The following FCRL3 variants were observed in gnomAD, a reference collection of about 807,000 sequenced individuals.
FCRL3 encodes the protein Fc receptor like 3, also known as Fc receptor-like protein 3.
FCRL3 carries 89 observed loss-of-function variants against 75.0 expected under a neutral mutation model. The observed-to-expected ratio is 1.19, with a 90% CI of 1.00 to 1.42. The LOEUF (loss-of-function observed/expected upper bound fraction) is 1.42. Ranked by LOEUF, FCRL3 falls within the 40% of genes most tolerant of loss-of-function variation. FCRL3 has a pLI of 0.00. For missense variants in FCRL3, 946 were observed against 880.0 expected (o/e 1.07, Z -0.95); for synonymous variants, 376 against 348.5 (o/e 1.08, Z -0.88).
At position 157,678,707 on chromosome 1, in the gene FCRL3, G is replaced by C. The variant is rs1040037205; in HGVS notation, c.*3C>G. The stretch of plus-strand genomic sequence containing the variant: ...TTTCCTGTGGGCCACTCTGGGTAAG[G>C]GGCTAGTGGTCTGAGGCCAGTAATA... On this transcript the variant is annotated 3_prime_UTR_variant, in exon 15 of 15. Coordinates refer to ENST00000368184, the MANE Select transcript of FCRL3 (RefSeq NM_052939.4). 1 of 1,613,034 alleles carries C rather than the reference G, an allele frequency of 6.2e-7. No individual in the cohort carries two copies. Among genetic ancestry groups the C allele is most frequent in the African/African-American group, 1.3e-5 (1 of 74,998 alleles).
chr1:157,699,393 GAA>G (rs1246848083), intron 3 of FCRL3, among the ~76,000 whole-genome samples: 1 of 151,908 alleles, frequency 6.6e-6, no homozygotes, highest in East Asian at 1.9e-4. Flanking sequence ...ATGTACTAGA[GAA>G]TATGGAGATC....
In FCRL3 at chr1:157,696,035, C is replaced by G. The variant is rs1312966643; in HGVS notation, c.1132+5G>C. The G allele has an allele frequency of 1.2e-6, 2 of 1,604,948 alleles. No homozygotes were observed. The highest frequency in any genetic ancestry group is 2.7e-5 in the African/African-American group (2 of 74,010). ...CGAGGCTGTGTGAAAGGAATCGGAACTTACTTCTCACGGTGACTCGAATCC... is the reference window on the plus strand; with the variant it reads ...CGAGGCTGTGTGAAAGGAATCGGAAGTTACTTCTCACGGTGACTCGAATCC... On this transcript the variant is annotated splice_donor_5th_base_variant and intron_variant, in intron 7 of 14. Transcript: ENST00000368184.
chr1:157,690,500 G>T lies in FCRL3; in HGVS notation c.1445C>A (p.Ala482Asp). 1 of 1,614,238 alleles carries T rather than the reference G, an allele frequency of 6.2e-7. No homozygotes were observed. The highest frequency in any genetic ancestry group is 8.5e-7 in the Non-Finnish European group (1 of 1,180,036). Residue 482 changes from alanine (A) to aspartate (D), a missense_variant, in exon 9 of 15, where the codon GCT becomes GAT. By Grantham distance (126) the Ala-to-Asp change is moderately radical. Coordinates refer to ENST00000368184, the MANE Select transcript of FCRL3 (RefSeq NM_052939.4). ...CCCCACCACAGCCTGGGCCCCGGGA[G>T]CCCTGAGGGTGAGGACGGGGCGAGA... ...PVSRPVLTLR[A>D]PGAQAVVGDL...
At position 157,678,624 on chromosome 1, in the gene FCRL3, T is replaced by G; in HGVS notation, c.*86A>C. On this transcript the variant is annotated 3_prime_UTR_variant, in exon 15 of 15. Transcript: ENST00000368184. ...CAGCCCAGCCTCGTAGGAGGCAGAG[T>G]CTGGAGAGATGGATGATGTGTGGTT... 6.3e-7 allele frequency: 1 copy of G among 1,578,732 alleles called. No individual in the cohort carries two copies. The highest frequency in any genetic ancestry group is 8.6e-7 in the Non-Finnish European group (1 of 1,168,668).
chr1:157,697,811 T>A lies in FCRL3; in HGVS notation c.407A>T (p.Asp136Val), dbSNP rs1474069047. Residue 136 changes from aspartate (D) to valine (V), a missense_variant, in exon 5 of 15, where the codon GAT (aspartate) becomes GTT (valine). Transcript: ENST00000368184. ...ATAACTATTAGGAAGCTGTTTTCCA[T>A]CCTTGTAGTAAACCTTTTGATGAGT... ...KNTHQKVYYK[D>V]GKQLPNSYNL... 1 of 1,614,190 alleles carries A rather than the reference T, an allele frequency of 6.2e-7. No homozygotes were observed. Among genetic ancestry groups the A allele is most frequent in the African/African-American group, 1.3e-5 (1 of 75,054 alleles).
chr1:157,692,395 C>T (rs759478634), intron 8 of FCRL3, among the ~76,000 whole-genome samples: 3 of 152,000 alleles, frequency 2.0e-5, no homozygotes, highest in South Asian at 2.1e-4. Flanking sequence ...CATGCCACCA[C>T]GCCTTGCTAT....
In FCRL3 at chr1:157,678,505, G is replaced by T. The variant is rs1654604204; in HGVS notation, c.*205C>A. On this transcript the variant is annotated 3_prime_UTR_variant, in exon 15 of 15. Coordinates refer to ENST00000368184, the MANE Select transcript of FCRL3 (RefSeq NM_052939.4). ...GTCTCCACTGTGAAAATAACACAGTGCTTGCTCAGAGGCTGCCTGCTCTCT... is the reference window on the plus strand; with the variant it reads ...GTCTCCACTGTGAAAATAACACAGTTCTTGCTCAGAGGCTGCCTGCTCTCT... 27 of 1,416,994 alleles carry T rather than the reference G, an allele frequency of 1.9e-5. No individual in the cohort carries two copies. Among genetic ancestry groups the T allele is most frequent in the Non-Finnish European group, 2.4e-5 (26 of 1,088,874 alleles). The allele number at this position is 1,416,994 out of a possible 1,614,324, so 87.8% of individuals were successfully genotyped here.
rs368095241 is a variant in FCRL3 at position 157,697,041 on chromosome 1, T to G, written c.844+99A>C. ...GAAGATTACCAGAATAGCTGGACAC[T>G]CCTCTCTGTTATGTCCACCATCCTA... On this transcript the variant is annotated intron_variant, in intron 6 of 14. Transcript: ENST00000368184. 12 of 1,159,928 alleles carry G rather than the reference T, an allele frequency of 1.0e-5. No individual in the cohort carries two copies. The African/African-American group carries it at 1.9e-4, about 18-fold the overall frequency. 71.9% of individuals were successfully genotyped at this position (1,159,928 alleles called of 1,614,324 possible).
intron 10 of FCRL3, 129 bp downstream of exon 10, chr1:157,689,669 C>T: frequency 7.4e-6 from 9 of 1,211,596 alleles, no homozygotes; most frequent in Non-Finnish European, 1.0e-5. Flanking sequence ...TACAGAGTGA[C>T]AGTGAGTAGT....
At chr1:157,686,683 T>C (rs1282776284) in intron 10 of FCRL3, among the ~76,000 whole-genome samples, 2 of 151,988 alleles carry the variant, frequency 1.3e-5, no homozygotes, top group African/African-American at 2.4e-5. Flanking sequence ...AAAGAAGCAA[T>C]GGGGAAATGA....
intron 4 of FCRL3, 154 bp from the exon 5 acceptor site, chr1:157,698,073 T>G: frequency 2.3e-6 from 2 of 875,044 alleles, no homozygotes; most frequent in East Asian, 5.3e-5. Context: ...GATTCTTCCT[T>G]GCCCTACAAG....
At chr1:157,689,976 T>C (rs1338970781) in intron 9 of FCRL3, 59 bp from the exon 10 acceptor site, 3 of 1,605,112 alleles carry the variant, frequency 1.9e-6, no homozygotes, top group Non-Finnish European at 2.6e-6. Flanking sequence ...ACAGACAAAA[T>C]CATGCAAGTA....
chr1:157,686,551 A>G (rs1384909476), intron 10 of FCRL3, among the ~76,000 whole-genome samples: 1 of 152,194 alleles, frequency 6.6e-6, no homozygotes, highest in Non-Finnish European at 1.5e-5. Context: ...CTATAAGCCT[A>G]CAGTAATCAA....
Position 157,679,828 on chromosome 1 carries a change from C to CAAAAAAAAAAAAAAAAAAAA in FCRL3, c.2027-856_2027-855insTTTTTTTTTTTTTTTTTTTT, listed in dbSNP as rs879258382. 6.1e-4 allele frequency among the ~76,000 whole-genome samples: 17 copies of CAAAAAAAAAAAAAAAAAAAA among 27,902 alleles called. 2 individuals carry two copies. Among genetic ancestry groups the CAAAAAAAAAAAAAAAAAAAA allele is most frequent in the East Asian group, 4.5e-3 (3 of 662 alleles). The allele number at this position is 27,902 out of a possible 152,430, so 18.3% of individuals were successfully genotyped here. A position where few individuals can be genotyped will look rare whatever the true frequency, so the allele number is the denominator to read the frequency against. On this transcript the variant is annotated intron_variant, in intron 13 of 14. Coordinates refer to ENST00000368184, the MANE Select transcript of FCRL3 (RefSeq NM_052939.4). Reference sequence around the variant, plus strand: ...TGGGCGACAGAACGAGACCCCATCTCACAAAAAAAAAAAAAAAAAAAAAAA... The same window carrying CAAAAAAAAAAAAAAAAAAAA: ...TGGGCGACAGAACGAGACCCCATCTCAAAAAAAAAAAAAAAAAAAAACAAAAAAAAAAAAAAAAAAAAAAA...
rs149976067 is a variant in FCRL3 at position 157,693,134 on chromosome 1, GC to G, written c.1411+2194del. 9.2e-5 allele frequency among the ~76,000 whole-genome samples: 14 copies of G among 152,044 alleles called. No homozygotes were observed. The East Asian group carries it at 2.7e-3, about 29-fold the overall frequency. ...CTACTAAAAATACAAAATTTGCAGG[GC>G]GTGGTAGCCTGCCTCTGTAATCCTA... is the stretch of plus-strand genomic sequence containing the variant. On this transcript the variant is annotated intron_variant, in intron 8 of 14. Transcript: ENST00000368184.
chr1:157,695,952 G>A lies in FCRL3; in HGVS notation c.1132+88C>T, dbSNP rs138409390. 8.2e-3 allele frequency: 3,337 copies of A among 406,414 alleles called. 29 individuals carry two copies. The highest frequency in any genetic ancestry group is 9.6e-3 in the Non-Finnish European group (2,603 of 271,240). The allele number at this position is 406,414 out of a possible 1,614,324, so 25.2% of individuals were successfully genotyped here. ...ACCCCCCTCCCCTCCCTCCCTCCCC[G>A]TGCCTCTTTTAGGAGACCTTAGTGG... On this transcript the variant is annotated intron_variant, in intron 7 of 14. Coordinates refer to ENST00000368184, the MANE Select transcript of FCRL3 (RefSeq NM_052939.4).
chr1:157,686,692 G>A (rs1211324404), intron 10 of FCRL3, among the ~76,000 whole-genome samples: 2 of 151,954 alleles, frequency 1.3e-5, no homozygotes, highest in Non-Finnish European at 2.9e-5. Context: ...ATGGGGAAAT[G>A]ACTGTCTATT....
chr1:157,699,009 G>C (rs1180733289), intron 3 of FCRL3, among the ~76,000 whole-genome samples: 1 of 152,180 alleles, frequency 6.6e-6, no homozygotes, highest in African/African-American at 2.4e-5. Flanking sequence ...TACCTCAGAA[G>C]TAGTTTCTAG....
chr1:157,685,527 A>G (rs1655123657), intron 10 of FCRL3, among the ~76,000 whole-genome samples: 1 of 152,154 alleles, frequency 6.6e-6, no homozygotes, highest in Non-Finnish European at 1.5e-5. Flanking sequence ...CAGATCATCG[A>G]GGCAGAAAAC....
Sources: allele counts gnomAD v4.1 joint callset (sites outside exome capture counted in the v4.1 genomes callset), GRCh38; gene constraint gnomAD v4.1.1; transcripts MANE v1.5; gene names NCBI Gene and HGNC (gene_info 2026-07-23, HGNC 2026-07-21).